Variants in UNC13C observed in about 807,000 individuals in gnomAD.
UNC13C encodes the protein unc-13 homolog C, also known as protein unc-13 homolog C.
Under a neutral mutation model 245.4 loss-of-function variants are expected in UNC13C, and 174 were observed. The ratio of observed to expected loss-of-function variants is 0.71; its 90% CI spans 0.63 to 0.80. UNC13C has a LOEUF of 0.80. Among genes scored for constraint, UNC13C ranks in the 30% least tolerant of loss-of-function variants. The pLI, the probability that UNC13C is intolerant of heterozygous loss-of-function variation, is 0.00. For missense variants in UNC13C, 2,829 were observed against 2,602.9 expected (o/e 1.09, Z -1.89); for synonymous variants, 992 against 895.1 (o/e 1.11, Z -1.93).
intron 18 of UNC13C, among the ~76,000 whole-genome samples, chr15:54,411,858 GC>G (rs1277560849): frequency 1.3e-5 from 2 of 152,112 alleles, no homozygotes; most frequent in Non-Finnish European, 1.5e-5. Flanking sequence ...GATTGAGATT[GC>G]ATTGAATCTA....
At chr15:54,062,365 C>T (rs998692358) in intron 2 of UNC13C, among the ~76,000 whole-genome samples, 5 of 151,860 alleles carry the variant, frequency 3.3e-5, no homozygotes, top group African/African-American at 7.3e-5. Flanking sequence ...TGTGATTCTC[C>T]TAACATGGCA....
At chr15:53,974,837 G>C (rs139387571), upstream of UNC13C, 137 of 152,096 alleles carry the variant, frequency 9.0e-4, no homozygotes, top group African/African-American at 3.2e-3. Context: ...TCTGCCTCAG[G>C]GTTTCTCATG....
intron 10 of UNC13C, 143 bp downstream of exon 10, chr15:54,265,639 A>G: frequency 1.8e-6 from 1 of 568,986 alleles, no homozygotes; most frequent in Non-Finnish European, 2.9e-6. Context: ...TAATGTTATA[A>G]ACTCCTTCAA....
intron 30 of UNC13C, among the ~76,000 whole-genome samples, chr15:54,595,642 AT>A (rs1899038620): frequency 6.6e-6 from 1 of 152,146 alleles, no homozygotes; most frequent in Non-Finnish European, 1.5e-5. Flanking sequence ...TGTTTAAGTT[AT>A]CTAAGGCAAT....
intron 20 of UNC13C, among the ~76,000 whole-genome samples, chr15:54,495,250 A>G (rs924248138): frequency 1.3e-5 from 2 of 152,058 alleles, no homozygotes; most frequent in Non-Finnish European, 2.9e-5. Flanking sequence ...ATTCTGTTTT[A>G]TTCTATTGAT....
At chr15:54,575,034 T>C (rs1897897654) in intron 30 of UNC13C, among the ~76,000 whole-genome samples, 1 of 152,116 alleles carries the variant, frequency 6.6e-6, no homozygotes, top group South Asian at 2.1e-4. Flanking sequence ...ATGTCATTTA[T>C]TTATTTGTTT....
At chr15:54,467,858 A>C (rs1892264149) in intron 19 of UNC13C, among the ~76,000 whole-genome samples, 2 of 151,730 alleles carry the variant, frequency 1.3e-5, no homozygotes, top group Admixed American at 6.6e-5. Flanking sequence ...AAATCCATTC[A>C]TTAAATGATG....
intron 19 of UNC13C, among the ~76,000 whole-genome samples, chr15:54,416,004 T>C (rs2040512271): frequency 6.6e-6 from 1 of 152,042 alleles, no homozygotes. Context: ...CACTAGCAAT[T>C]AGAGAAAGCA....
chr15:53,870,899 C>A, the UNC13C span, among the ~76,000 whole-genome samples: 2 of 152,160 alleles, frequency 1.3e-5, no homozygotes, highest in African/African-American at 4.8e-5. Flanking sequence ...TTCCTCATGT[C>A]TTTCCTATGA....
chr15:54,128,786 T>C (rs373490421), intron 2 of UNC13C, among the ~76,000 whole-genome samples: 1 of 152,196 alleles, frequency 6.6e-6, no homozygotes, highest in East Asian at 1.9e-4. Context: ...GACTTCCCAC[T>C]GAGTCTCTGC....
At chr15:54,044,817 C>T (rs1469072203) in intron 2 of UNC13C, among the ~76,000 whole-genome samples, 1 of 152,050 alleles carries the variant, frequency 6.6e-6, no homozygotes, top group Non-Finnish European at 1.5e-5. Context: ...ATTTGCCTTT[C>T]TCTAATTACT....
intron 27 of UNC13C, among the ~76,000 whole-genome samples, chr15:54,548,111 GC>G (rs1896565256): frequency 6.6e-6 from 1 of 151,808 alleles, no homozygotes; most frequent in South Asian, 2.1e-4. Flanking sequence ...CAGATTGCAG[GC>G]TACCTTTTCC....
chr15:53,896,185 G>A, the UNC13C span, among the ~76,000 whole-genome samples: 2 of 151,934 alleles, frequency 1.3e-5, no homozygotes, highest in African/African-American at 4.8e-5. Context: ...CACATTTTTC[G>A]TTGAAAAGTG....
rs1185190839 is a variant in UNC13C, at chr15:54,265,469, A to G, written c.3791A>G (p.Asn1264Ser). 2 of 1,557,968 alleles carry G rather than the reference A, an allele frequency of 1.3e-6. No homozygotes were observed. The highest frequency in any genetic ancestry group is 1.9e-5 in the Admixed American group (1 of 52,468). The change falls in exon 10 of 33, where the codon AAT (asparagine) becomes AGT (serine). Residue 1264 changes from asparagine to serine, a missense_variant. Transcript: ENST00000260323. ...RRTKTIFGNL[N>S]PVWDEKFYFE... ...ACAAAAACCATTTTTGGAAATTTGAATCCAGTATGGGATGAGAAGTTTTAT... is the reference window on the plus strand; with the variant it reads ...ACAAAAACCATTTTTGGAAATTTGAGTCCAGTATGGGATGAGAAGTTTTAT...
At chr15:54,072,406 C>T (rs955105896) in intron 2 of UNC13C, among the ~76,000 whole-genome samples, 5 of 152,116 alleles carry the variant, frequency 3.3e-5, no homozygotes, top group African/African-American at 1.2e-4. Context: ...TCAGAATGCC[C>T]AGCAAAAGGC....
At chr15:54,273,577 T>A (rs2036749534) in intron 10 of UNC13C, among the ~76,000 whole-genome samples, 1 of 152,204 alleles carries the variant, frequency 6.6e-6, no homozygotes, top group African/African-American at 2.4e-5. Context: ...CCTGGGTTAT[T>A]GGTCTATCAA....
At chr15:53,854,128 T>TTGTTTTTTTG in the UNC13C span, among the ~76,000 whole-genome samples, 17 of 143,912 alleles carry the variant, frequency 1.2e-4, no homozygotes, top group Non-Finnish European at 2.4e-4. Flanking sequence ...ATAGGTTTTT[T>TTGTTTTTTTG]TTTTTTTTTT....
chr15:54,168,221 C>T, intron 4 of UNC13C, among the ~76,000 whole-genome samples: 1 of 152,002 alleles, frequency 6.6e-6, no homozygotes, highest in African/African-American at 2.4e-5. Context: ...AAAGTCAGTT[C>T]CCATGTTGTC....
intron 12 of UNC13C, among the ~76,000 whole-genome samples, chr15:54,298,794 G>T (rs976096488): frequency 2.6e-5 from 4 of 152,158 alleles, no homozygotes; most frequent in Non-Finnish European, 5.9e-5. Flanking sequence ...AATAGGTGAA[G>T]CTGAGGAATG....
Sources: gnomAD v4.1 joint callset for allele counts (sites outside exome capture counted in the v4.1 genomes callset) on GRCh38, gnomAD v4.1.1 for gene constraint, MANE v1.5 for transcripts, NCBI Gene and HGNC (gene_info 2026-07-23, HGNC 2026-07-21) for gene names.